ARFIP1: variants seen among roughly 807,000 people sequenced by gnomAD.
ARFIP1 encodes the protein ARF interacting protein 1, also known as arfaptin-1.
A neutral mutation model predicts 42.5 loss-of-function variants in ARFIP1; 24 were observed. That is an observed-to-expected ratio of 0.57 (90% CI 0.41 to 0.80). The LOEUF (loss-of-function observed/expected upper bound fraction) is 0.80. Ranked by LOEUF, ARFIP1 falls within the 30% of genes least tolerant of loss-of-function variation. The pLI, the probability that ARFIP1 is intolerant of heterozygous loss-of-function variation, is 0.00. For missense variants in ARFIP1, 354 were observed against 434.0 expected, an observed-to-expected ratio of 0.82 and a Z score of 1.64; for synonymous variants, 141 against 153.7, an observed-to-expected ratio of 0.92 and a Z score of 0.61.
chr4:152,823,278 A>T (rs935395920), intron 1 of ARFIP1, among the ~76,000 whole-genome samples: 4 of 152,134 alleles, frequency 2.6e-5, no homozygotes, highest in African/African-American at 9.7e-5. Context: ...TGTTATGCAT[A>T]CAAACTAGAA....
intron 1 of ARFIP1, among the ~76,000 whole-genome samples, chr4:152,788,527 A>G (rs4696355): frequency 0.38 from 57,545 of 151,724 alleles, 11,939 homozygotes; most frequent in Admixed American, 0.49. Context: ...CAAAAATACA[A>G]AAAATTAGCT....
At chr4:152,841,812 C>T (rs866835725) in intron 2 of ARFIP1, among the ~76,000 whole-genome samples, 2 of 152,270 alleles carry the variant, frequency 1.3e-5, no homozygotes, top group Middle Eastern at 6.8e-3. Context: ...TGTCTCACAA[C>T]TGTTAAGATT....
chr4:152,877,323 G>A (rs1735444088), intron 5 of ARFIP1, among the ~76,000 whole-genome samples: 4 of 152,158 alleles, frequency 2.6e-5, no homozygotes, highest in Admixed American at 2.6e-4. Context: ...CTGGATGTGA[G>A]ACCTGGAGAT....
chr4:152,819,104 A>G (rs964243905), intron 1 of ARFIP1, among the ~76,000 whole-genome samples: 1 of 152,168 alleles, frequency 6.6e-6, no homozygotes, highest in African/African-American at 2.4e-5. Flanking sequence ...TACCTGAGGC[A>G]GCAGAGTACC....
chr4:152,827,064 T>C lies in ARFIP1; in HGVS notation c.-9-2561T>C, dbSNP rs181981809. Among the ~76,000 whole-genome samples, 767 of 152,322 alleles carry C rather than the reference T, an allele frequency of 5.0e-3. 9 individuals carry two copies. The highest frequency in any genetic ancestry group is 0.018 in the South Asian group (87 of 4,820). ...TTAATGGGTTATACTGTTTCAATTT[T>C]ATAAGATGAAAAAGTTTTGGAGATT... On this transcript the variant is annotated intron_variant, in intron 1 of 8. Coordinates refer to ENST00000353617, the MANE Select transcript of ARFIP1 (RefSeq NM_001025595.3).
chr4:152,863,696 G>A lies in ARFIP1; in HGVS notation c.184G>A (p.Glu62Lys). 1 of 1,607,374 alleles carries A rather than the reference G, an allele frequency of 6.2e-7. No individual in the cohort carries two copies. Among genetic ancestry groups the A allele is most frequent in the Non-Finnish European group, 8.5e-7 (1 of 1,174,516 alleles). Reference sequence around the variant, plus strand: ...TGACAATACCAAAGAGGGTGTTATTGAAGCAGGAGCATTTCAAGGTAAGAG... The same window carrying A: ...TGACAATACCAAAGAGGGTGTTATTAAAGCAGGAGCATTTCAAGGTAAGAG... Reference protein sequence around the residue: ...GFDNTKEGVIEAGAFQGSPAP... With the variant: ...GFDNTKEGVIKAGAFQGSPAP... The change falls in exon 3 of 9, where the codon GAA becomes AAA. Residue 62 changes from glutamate to lysine, a missense_variant. Transcript: ENST00000353617.
intron 7 of ARFIP1, among the ~76,000 whole-genome samples, chr4:152,885,347 G>C (rs1736175219): frequency 6.6e-6 from 1 of 151,878 alleles, no homozygotes; most frequent in Non-Finnish European, 1.5e-5. Flanking sequence ...TAGCCCTCTG[G>C]TGCTTCATGT....
At chr4:152,798,080 A>T (rs375939893) in intron 1 of ARFIP1, among the ~76,000 whole-genome samples, 2 of 152,166 alleles carry the variant, frequency 1.3e-5, no homozygotes, top group East Asian at 3.9e-4. Flanking sequence ...CAACATGGCG[A>T]AACTCTGTCT....
At position 152,893,202 on chromosome 4, in the gene ARFIP1, A is replaced by C. The variant is rs143140478; in HGVS notation, c.966+4895A>C. Among the ~76,000 whole-genome samples, 1,436 of 152,288 alleles carry C rather than the reference A, an allele frequency of 9.4e-3. 26 individuals are homozygous for C. Among genetic ancestry groups the C allele is most frequent in the African/African-American group, 0.032 (1,349 of 41,566 alleles). On this transcript the variant is annotated intron_variant, in intron 8 of 8. Transcript: ENST00000353617. The stretch of plus-strand genomic sequence containing the variant: ...GCCTTCTTCCCAGAATTAGAGGCGC[A>C]CTACAGGGATTGGAAGGAGAAGGAA...
intron 1 of ARFIP1, among the ~76,000 whole-genome samples, chr4:152,826,429 C>T (rs975161337): frequency 7.2e-5 from 11 of 152,014 alleles, no homozygotes; most frequent in Admixed American, 2.0e-4. Context: ...TGTGGGTACA[C>T]GAAGCCACAC....
chr4:152,877,595 C>T (rs1361088495), intron 5 of ARFIP1, among the ~76,000 whole-genome samples: 1 of 152,062 alleles, frequency 6.6e-6, no homozygotes, highest in Non-Finnish European at 1.5e-5. Context: ...GTTGGGAAGG[C>T]ATGGTTGGTT....
At chr4:152,826,567 C>T (rs1730855851) in intron 1 of ARFIP1, among the ~76,000 whole-genome samples, 1 of 152,142 alleles carries the variant, frequency 6.6e-6, no homozygotes, top group South Asian at 2.1e-4. Context: ...TTAGACTTCC[C>T]TACTACGTAC....
chr4:152,909,189 A>C (rs575227357), intron 8 of ARFIP1, among the ~76,000 whole-genome samples: 1 of 152,238 alleles, frequency 6.6e-6, no homozygotes, highest in South Asian at 2.1e-4. Flanking sequence ...GTTTGAGACC[A>C]GCCTGGCCAA....
chr4:152,814,011 A>G (rs1729671544), intron 1 of ARFIP1, among the ~76,000 whole-genome samples: 2 of 151,958 alleles, frequency 1.3e-5, no homozygotes, highest in Admixed American at 1.3e-4. Flanking sequence ...TTGTCCAAAA[A>G]TATCTATTTC....
intron 2 of ARFIP1, among the ~76,000 whole-genome samples, chr4:152,855,860 TC>T (rs1219868202): frequency 2.6e-5 from 4 of 152,212 alleles, no homozygotes; most frequent in Non-Finnish European, 5.9e-5. Flanking sequence ...TTGGGAAGTC[TC>T]CCTTTGCCTC....
intron 8 of ARFIP1, among the ~76,000 whole-genome samples, chr4:152,909,670 A>T (rs1350532799): frequency 1.3e-5 from 2 of 152,218 alleles, no homozygotes; most frequent in Non-Finnish European, 2.9e-5. Flanking sequence ...GCTTAGATTT[A>T]ATGATGTCCA....
intron 7 of ARFIP1, among the ~76,000 whole-genome samples, chr4:152,887,470 A>C (rs568554186): frequency 6.6e-6 from 1 of 152,146 alleles, no homozygotes; most frequent in African/African-American, 2.4e-5. Context: ...TTGAGATGGG[A>C]TAGAAGTGTA....
intron 1 of ARFIP1, among the ~76,000 whole-genome samples, chr4:152,818,976 T>A (rs532665628): frequency 6.6e-6 from 1 of 152,168 alleles, no homozygotes; most frequent in Non-Finnish European, 1.5e-5. Context: ...TGCTCGTACC[T>A]GGGGAGCCAG....
chr4:152,889,756 T>A (rs1285859116), intron 8 of ARFIP1, among the ~76,000 whole-genome samples: 19 of 38,762 alleles, frequency 4.9e-4, no homozygotes, highest in African/African-American at 1.5e-3. Flanking sequence ...TACTATATAT[T>A]ATATACTATA....
Sources: gnomAD v4.1 joint callset for allele counts (sites outside exome capture counted in the v4.1 genomes callset) on GRCh38, gnomAD v4.1.1 for gene constraint, MANE v1.5 for transcripts, NCBI Gene and HGNC (gene_info 2026-07-23, HGNC 2026-07-21) for gene names.